MKLN1: variants seen among roughly 807,000 people sequenced by gnomAD.
MKLN1 encodes muskelin.
In MKLN1, 18 loss-of-function variants were observed where a neutral mutation model predicts 99.0. That is an observed-to-expected ratio of 0.18 (90% CI 0.13 to 0.27). The LOEUF (loss-of-function observed/expected upper bound fraction) is 0.27, where lower values mean the gene tolerates loss of function less well. Among genes scored for constraint, MKLN1 ranks in the 10% least tolerant of loss-of-function variants. The pLI is 1.00. For missense variants in MKLN1, 621 were observed against 875.9 expected (o/e 0.71, Z 3.67); for synonymous variants, 288 against 293.2 (o/e 0.98, Z 0.18).
chr7:131,250,274 C>T (rs1344292484), intron 3 of MKLN1, among the ~76,000 whole-genome samples: 10 of 151,958 alleles, frequency 6.6e-5, no homozygotes, highest in Non-Finnish European at 1.5e-4. Flanking sequence ...CAGGCTGAAG[C>T]GGGAACCCAG....
chr7:131,300,907 C>T (rs1563284328), intron 3 of MKLN1, among the ~76,000 whole-genome samples: 1 of 152,260 alleles, frequency 6.6e-6, no homozygotes, highest in East Asian at 1.9e-4. Flanking sequence ...TGCTGGCTGC[C>T]ATTGCAGTAT....
chr7:131,189,921 T>C (rs535150898), intron 2 of MKLN1, among the ~76,000 whole-genome samples: 1 of 152,202 alleles, frequency 6.6e-6, no homozygotes, highest in South Asian at 2.1e-4. Context: ...AGGGCTGTCT[T>C]AGGAAGAACA....
At chr7:131,299,459 T>C (rs988138532) in intron 3 of MKLN1, among the ~76,000 whole-genome samples, 2 of 152,220 alleles carry the variant, frequency 1.3e-5, no homozygotes, top group African/African-American at 4.8e-5. Flanking sequence ...GCTAGATTTT[T>C]TTCTCCTTGG....
At chr7:131,216,534 C>T (rs1180599447) in intron 3 of MKLN1, among the ~76,000 whole-genome samples, 2 of 152,078 alleles carry the variant, frequency 1.3e-5, no homozygotes, top group Non-Finnish European at 2.9e-5. Context: ...TAGAGCTGAG[C>T]GAGTGCCTCA....
At chr7:131,150,705 A>G (rs778835380) in intron 2 of MKLN1, among the ~76,000 whole-genome samples, 3 of 152,042 alleles carry the variant, frequency 2.0e-5, no homozygotes, top group Non-Finnish European at 2.9e-5. Flanking sequence ...TTGTTAAATC[A>G]AAGCTTCACT....
intron 2 of MKLN1, among the ~76,000 whole-genome samples, chr7:131,156,726 A>G (rs1301692002): frequency 6.6e-6 from 1 of 152,030 alleles, no homozygotes; most frequent in African/African-American, 2.4e-5. Flanking sequence ...TGCTTTTTTG[A>G]CTTTTGTTAT....
At chr7:131,221,991 C>T (rs185432516) in intron 3 of MKLN1, among the ~76,000 whole-genome samples, 8 of 150,162 alleles carry the variant, frequency 5.3e-5, no homozygotes, top group South Asian at 2.1e-4. Context: ...CTGCAACCTC[C>T]GCCTCCTGGG....
At chr7:131,364,937 G>A (rs1355008742) in intron 1 of MKLN1, among the ~76,000 whole-genome samples, 1 of 151,954 alleles carries the variant, frequency 6.6e-6, no homozygotes, top group Non-Finnish European at 1.5e-5. Context: ...GTGTCTTTAC[G>A]GTACTTTACG....
intron 3 of MKLN1, among the ~76,000 whole-genome samples, chr7:131,298,136 T>A (rs1378026593): frequency 1.3e-5 from 2 of 151,992 alleles, no homozygotes; most frequent in Non-Finnish European, 2.9e-5. Context: ...CCGGGCGCGG[T>A]GGCAGGCGCC....
At chr7:131,383,040 A>G (rs1258262157) in intron 2 of MKLN1, among the ~76,000 whole-genome samples, 1 of 152,224 alleles carries the variant, frequency 6.6e-6, no homozygotes, top group Admixed American at 6.5e-5. Context: ...GATATTTTAT[A>G]TATGTCCTGT....
intron 3 of MKLN1, among the ~76,000 whole-genome samples, chr7:131,213,109 C>G (rs753490894): frequency 1.3e-5 from 2 of 151,952 alleles, no homozygotes; most frequent in Non-Finnish European, 2.9e-5. Flanking sequence ...AGTTGCAATA[C>G]GTGATTCCCA....
chr7:131,244,948 C>T (rs936229176), intron 3 of MKLN1, among the ~76,000 whole-genome samples: 1 of 152,200 alleles, frequency 6.6e-6, no homozygotes, highest in African/African-American at 2.4e-5. Context: ...GCCTTTGCAG[C>T]TCCGTTCTCA....
At chr7:131,118,127 G>C (rs1795306741) in intron 1 of MKLN1, among the ~76,000 whole-genome samples, 1 of 152,182 alleles carries the variant, frequency 6.6e-6, no homozygotes, top group Admixed American at 6.5e-5. Flanking sequence ...TAAGAGACCT[G>C]GTTGTTTCAA....
At chr7:131,209,040 T>C (rs1419145382) in intron 3 of MKLN1, among the ~76,000 whole-genome samples, 4 of 152,106 alleles carry the variant, frequency 2.6e-5, no homozygotes, top group African/African-American at 7.2e-5. Flanking sequence ...GAGCTGGTCA[T>C]GAAAAGATCA....
At chr7:131,111,615 C>T (rs1285679275) in intron 1 of MKLN1, among the ~76,000 whole-genome samples, 2 of 151,916 alleles carry the variant, frequency 1.3e-5, no homozygotes. Flanking sequence ...AGTAGACTGC[C>T]AGTTGCCATT....
At chr7:131,268,126 G>T (rs1269395571) in intron 3 of MKLN1, among the ~76,000 whole-genome samples, 2 of 152,206 alleles carry the variant, frequency 1.3e-5, no homozygotes, top group African/African-American at 2.4e-5. Context: ...GTTATTCACT[G>T]TTCTCCCAAG....
At chr7:131,226,090 C>A (rs1797143688) in intron 3 of MKLN1, among the ~76,000 whole-genome samples, 1 of 148,004 alleles carries the variant, frequency 6.8e-6, no homozygotes, top group African/African-American at 2.5e-5. Flanking sequence ...GCCTAGGTGA[C>A]ACCTTTTGCT....
intron 3 of MKLN1, among the ~76,000 whole-genome samples, chr7:131,283,744 C>A (rs1174008439): frequency 7.2e-5 from 11 of 152,134 alleles, no homozygotes; most frequent in Non-Finnish European, 1.3e-4. Flanking sequence ...CCGAGAAGGC[C>A]CTTTCATTTC....
chr7:131,215,893 T>TG (rs1341462564), intron 3 of MKLN1, among the ~76,000 whole-genome samples: 4 of 152,062 alleles, frequency 2.6e-5, no homozygotes, highest in South Asian at 2.1e-4. Context: ...CCAGTTTGTT[T>TG]GGGGGGGATA....
Sources: gnomAD v4.1 joint callset for allele counts (sites outside exome capture counted in the v4.1 genomes callset) on GRCh38, gnomAD v4.1.1 for gene constraint, MANE v1.5 for transcripts, NCBI Gene and HGNC (gene_info 2026-07-23, HGNC 2026-07-21) for gene names.